The following CSMD1 variants were observed in gnomAD, a reference collection of about 807,000 sequenced individuals.
CSMD1 encodes the protein CUB and Sushi multiple domains 1, also known as CUB and sushi domain-containing protein 1.
CSMD1 carries 213 observed loss-of-function variants against 417.5 expected under a neutral mutation model. The observed-to-expected ratio is 0.51, with a 90% confidence interval of 0.46 to 0.57. CSMD1 has a LOEUF of 0.57. Among genes scored for constraint, CSMD1 ranks in the 20% least tolerant of loss-of-function variants. The pLI is 0.00. For missense variants in CSMD1, 6,923 were observed against 4,529.7 expected (o/e 1.53, Z -15.17); for synonymous variants, 2,862 against 1,736.8 (o/e 1.65, Z -16.11).
intron 3 of CSMD1, among the ~76,000 whole-genome samples, chr8:4,391,425 A>G (rs945187376): frequency 6.6e-6 from 1 of 152,118 alleles, no homozygotes; most frequent in Non-Finnish European, 1.5e-5. Context: ...AGCCTTAGTG[A>G]TTGAGAGAAG....
At chr8:3,220,648 T>C (rs775884919) in intron 28 of CSMD1, among the ~76,000 whole-genome samples, 1 of 152,068 alleles carries the variant, frequency 6.6e-6, no homozygotes, top group African/African-American at 2.4e-5. Flanking sequence ...CTGGCCAATA[T>C]GGTGAAACCC....
intron 7 of CSMD1, among the ~76,000 whole-genome samples, chr8:3,670,522 T>C (rs1012470448): frequency 1.9e-5 from 2 of 106,834 alleles, no homozygotes; most frequent in African/African-American, 5.7e-5. Context: ...ATATATCCTA[T>C]ATACATATAT....
At chr8:3,642,456 G>C (rs1458711329) in intron 7 of CSMD1, among the ~76,000 whole-genome samples, 1 of 152,078 alleles carries the variant, frequency 6.6e-6, no homozygotes, top group Non-Finnish European at 1.5e-5. Context: ...TAAAATTCAA[G>C]AGATATTCCC....
intron 2 of CSMD1, among the ~76,000 whole-genome samples, chr8:4,492,456 G>T (rs1336849904): frequency 6.6e-6 from 1 of 152,162 alleles, no homozygotes; most frequent in Non-Finnish European, 1.5e-5. Context: ...TACATCACAA[G>T]TAAACATGAG....
chr8:3,316,379 A>C lies in CSMD1; in HGVS notation c.3632-7876T>G, dbSNP rs552470073. On this transcript the variant is annotated intron_variant, in intron 23 of 69. Coordinates refer to ENST00000635120, the MANE Select transcript of CSMD1 (RefSeq NM_033225.6). ...TTTTTGGGGCATGGTGGGAAGAGTA[A>C]AATAAAACGGCTCCTATCTTCCCCT... Among the ~76,000 whole-genome samples the C allele has an allele frequency of 3.9e-5, 6 of 152,310 alleles. No homozygotes were observed. In the East Asian group the frequency reaches 7.7e-4, roughly 20 times the overall value.
At chr8:4,823,088 T>C (rs1229119007) in intron 1 of CSMD1, among the ~76,000 whole-genome samples, 2 of 152,250 alleles carry the variant, frequency 1.3e-5, no homozygotes, top group East Asian at 1.9e-4. Context: ...TTTTAAGTGA[T>C]GTCTTGATAC....
intron 27 of CSMD1, among the ~76,000 whole-genome samples, chr8:3,229,280 C>T (rs113694516): frequency 6.6e-6 from 1 of 152,132 alleles, no homozygotes; most frequent in Non-Finnish European, 1.5e-5. Flanking sequence ...ACTAATTAAA[C>T]TGTGACAGTT....
intron 7 of CSMD1, among the ~76,000 whole-genome samples, chr8:3,694,298 G>A (rs180836414): frequency 6.6e-6 from 1 of 152,158 alleles, no homozygotes; most frequent in African/African-American, 2.4e-5. Context: ...CTTCCTAGAC[G>A]TCGGCTTCCA....
chr8:3,418,599 T>C (rs1021018104), intron 12 of CSMD1, among the ~76,000 whole-genome samples: 3 of 152,188 alleles, frequency 2.0e-5, no homozygotes, highest in Middle Eastern at 3.2e-3. Context: ...GATCCAACAA[T>C]GTCCTGTGTC....
At chr8:3,665,897 A>C (rs962096578) in intron 7 of CSMD1, among the ~76,000 whole-genome samples, 1 of 151,932 alleles carries the variant, frequency 6.6e-6, no homozygotes. Flanking sequence ...TGTTTTTTTG[A>C]GATGGAGTCG....
chr8:3,039,840 T>C (rs1191257616), intron 50 of CSMD1, among the ~76,000 whole-genome samples: 2 of 152,230 alleles, frequency 1.3e-5, no homozygotes, highest in South Asian at 2.1e-4. Flanking sequence ...CACTGATACA[T>C]GCTTTGCCAA....
At chr8:3,993,170 G>C (rs1165532877) in intron 5 of CSMD1, among the ~76,000 whole-genome samples, 1 of 152,232 alleles carries the variant, frequency 6.6e-6, no homozygotes, top group Non-Finnish European at 1.5e-5. Flanking sequence ...ATGTTCACAT[G>C]AAGGAAGCTA....
At chr8:3,337,985 G>A (rs980082364) in intron 23 of CSMD1, among the ~76,000 whole-genome samples, 3 of 152,144 alleles carry the variant, frequency 2.0e-5, no homozygotes, top group Non-Finnish European at 4.4e-5. Flanking sequence ...CTGAACAGTA[G>A]ACACTTCTCT....
In CSMD1 at chr8:2,942,747, C is replaced by T. The variant is rs1019298913; in HGVS notation, c.10403-143G>A. The T allele has an allele frequency of 1.2e-4, 73 of 623,338 alleles. No homozygotes were observed. The East Asian group carries it at 2.1e-3, about 18-fold the overall frequency. 38.6% of individuals were successfully genotyped at this position (623,338 alleles called of 1,614,324 possible). ...ACAGGAAACCAAATGATATTCTTTT[C>T]TAAAGATTTTTAATATCCACTTAAT... On this transcript the variant is annotated intron_variant, in intron 68 of 69. Coordinates refer to ENST00000635120, the MANE Select transcript of CSMD1 (RefSeq NM_033225.6).
intron 2 of CSMD1, among the ~76,000 whole-genome samples, chr8:4,628,362 A>ATG (rs899040912): frequency 1.3e-5 from 2 of 149,664 alleles, no homozygotes; most frequent in East Asian, 2.0e-4. Context: ...ACTTCTATGT[A>ATG]TGTGTGTGTG....
intron 7 of CSMD1, among the ~76,000 whole-genome samples, chr8:3,675,369 C>T (rs147929270): frequency 1.3e-5 from 2 of 152,266 alleles, no homozygotes; most frequent in African/African-American, 4.8e-5. Context: ...AGTAAGGCCT[C>T]AGCAATGTGG....
chr8:3,477,338 C>T (rs552639794), intron 11 of CSMD1, among the ~76,000 whole-genome samples: 5 of 152,182 alleles, frequency 3.3e-5, no homozygotes, highest in Admixed American at 6.5e-5. Flanking sequence ...CAGATAAAAA[C>T]TTGCCTAAAA....
At chr8:4,565,032 A>C (rs573386566) in intron 2 of CSMD1, among the ~76,000 whole-genome samples, 1 of 152,346 alleles carries the variant, frequency 6.6e-6, no homozygotes, top group South Asian at 2.1e-4. Flanking sequence ...ATCTTCAACA[A>C]AATGGATTTC....
chr8:3,932,049 G>C (rs897708684), intron 5 of CSMD1, among the ~76,000 whole-genome samples: 1 of 150,472 alleles, frequency 6.6e-6, no homozygotes, highest in Non-Finnish European at 1.5e-5. Flanking sequence ...AATTTCATCA[G>C]AGAGTAGGAT....
Sources: gnomAD v4.1 joint callset for allele counts (sites outside exome capture counted in the v4.1 genomes callset) on GRCh38, gnomAD v4.1.1 for gene constraint, MANE v1.5 for transcripts, NCBI Gene and HGNC (gene_info 2026-07-23, HGNC 2026-07-21) for gene names.